Variants in ZNF469 observed in about 807,000 individuals in gnomAD.
ZNF469 encodes the protein zinc finger protein 469.
ZNF469 carries 1 observed loss-of-function variant against 1.0 expected under a neutral mutation model. That is an observed-to-expected ratio of 1.00 (90% CI 0.35 to 4.73). The LOEUF is 4.73. ZNF469 is among the 30% of genes most tolerant of loss of function. The probability of loss-of-function intolerance (pLI) is 0.16; values close to 1 mark genes in which losing one functional copy is unlikely to be tolerated. For synonymous variants in ZNF469, 2,703 were observed against 2,363.4 expected (o/e 1.14, Z -4.17); for missense variants, 6,100 against 5,356.3 (o/e 1.14, Z -4.33).
chr16:88,308,492 C>A, the ZNF469 span, among the ~76,000 whole-genome samples: 1 of 152,172 alleles, frequency 6.6e-6, no homozygotes, highest in Non-Finnish European at 1.5e-5. Context: ...AATGAAAGGG[C>A]CAGTTCTTCC....
rs954698107 is a variant in ZNF469 at position 88,424,944 on chromosome 16, C to T, written c.-127+73C>T. ...GTCTTGATGGTCCTGAGGCCCCCTC[C>T]GCCCCCACCCGCCCGGCCTTCCTCT... On this transcript the variant is annotated intron_variant, in intron 2 of 2. Coordinates refer to ENST00000565624, the MANE Select transcript of ZNF469 (RefSeq NM_001367624.2). This position sits in a 1 kb window ranked among gnomAD's most constrained non-coding sequence, Gnocchi z 4.3. 6.6e-6 allele frequency among the ~76,000 whole-genome samples: 1 copy of T among 152,156 alleles called. No homozygotes were observed. Among genetic ancestry groups the T allele is most frequent in the African/African-American group, 2.4e-5 (1 of 41,440 alleles).
chr16:88,434,937 G>A lies in ZNF469; in HGVS notation c.7467G>A (p.Arg2489=), dbSNP rs1472287040. The A allele has an allele frequency of 4.5e-6, 7 of 1,549,884 alleles. No individual in the cohort carries two copies. Among genetic ancestry groups the A allele is most frequent in the Non-Finnish European group, 6.1e-6 (7 of 1,146,952 alleles). ...ASFRSGPGLS[R]HKARKHRPHP... is the part of the protein sequence containing the mutation. ...TCCGCTCCGGGCCGGGCCTGAGCCG[G>A]CACAAGGCCAGGAAGCACCGGCCAC... is the stretch of plus-strand genomic sequence containing the variant. The change falls in exon 3 of 3, where the codon CGG becomes CGA. Residue 2489 remains arginine (R), a synonymous_variant. Coordinates refer to ENST00000565624, the MANE Select transcript of ZNF469 (RefSeq NM_001367624.2).
At chr16:88,203,171 C>T in the ZNF469 span, among the ~76,000 whole-genome samples, 4 of 152,152 alleles carry the variant, frequency 2.6e-5, no homozygotes, top group Non-Finnish European at 5.9e-5. Context: ...GAGTCCGGAG[C>T]ATCCTCGAGT....
the ZNF469 span, among the ~76,000 whole-genome samples, chr16:88,297,095 G>C: frequency 2.6e-5 from 4 of 152,244 alleles, no homozygotes; most frequent in African/African-American, 9.6e-5. Flanking sequence ...CCAGCGGCAG[G>C]CACCAAAACA....
chr16:88,330,236 TG>T, the ZNF469 span, among the ~76,000 whole-genome samples: 3 of 152,256 alleles, frequency 2.0e-5, no homozygotes, highest in Non-Finnish European at 2.9e-5. Context: ...TGGCATCCTG[TG>T]GGCGTCCTGT....
the ZNF469 span, among the ~76,000 whole-genome samples, chr16:88,332,115 T>C: frequency 6.6e-6 from 1 of 152,188 alleles, no homozygotes; most frequent in African/African-American, 2.4e-5. Flanking sequence ...ACAGGGAGTC[T>C]CTCTCCACCC....
the ZNF469 span, among the ~76,000 whole-genome samples, chr16:88,329,881 A>G: frequency 1.1e-4 from 16 of 152,358 alleles, 1 homozygote; most frequent in South Asian, 3.3e-3. Context: ...CCCTCAGGCC[A>G]TCCGGTGAGG....
the ZNF469 span, among the ~76,000 whole-genome samples, chr16:88,284,672 C>T: frequency 6.6e-6 from 1 of 151,828 alleles, no homozygotes; most frequent in Non-Finnish European, 1.5e-5. Flanking sequence ...TCACCACCAC[C>T]AACACTCTGC....
At chr16:88,406,341 C>T (rs1371687397) in intron 1 of ZNF469, among the ~76,000 whole-genome samples, 3 of 152,168 alleles carry the variant, frequency 2.0e-5, no homozygotes, top group Admixed American at 2.0e-4. Flanking sequence ...CTCAGGATGG[C>T]CCTGTGTATG....
At chr16:88,229,613 T>TGATGTCACGCGTGTG in the ZNF469 span, among the ~76,000 whole-genome samples, 4 of 15,146 alleles carry the variant, frequency 2.6e-4, no homozygotes, top group Non-Finnish European at 5.1e-4. Context: ...GCGTGTGTGC[T>TGATGTCACGCGTGTG]GATGTCACGC....
chr16:88,190,020 A>G, the ZNF469 span, among the ~76,000 whole-genome samples: 7 of 52,830 alleles, frequency 1.3e-4, no homozygotes, highest in East Asian at 3.7e-3. Flanking sequence ...CACCCCACCC[A>G]CCCTGTTACT....
At chr16:88,381,302 G>A (rs528716095), upstream of ZNF469, among the ~76,000 whole-genome samples, 3 of 123,700 alleles carry the variant, frequency 2.4e-5, no homozygotes, top group South Asian at 8.8e-4. Context: ...TCACACACAT[G>A]CACTCATGCA....
Position 88,430,050 on chromosome 16 carries a change from C to G in ZNF469, c.2580C>G (p.Ile860Met), listed in dbSNP as rs1054988221. 9.7e-6 allele frequency: 15 copies of G among 1,550,394 alleles called. No homozygotes were observed. Among genetic ancestry groups the G allele is most frequent in the Non-Finnish European group, 1.2e-5 (14 of 1,146,974 alleles). The change falls in exon 3 of 3, where the codon ATC becomes ATG. Residue 860 changes from isoleucine (I) to methionine (M), a missense_variant. By Grantham distance (10) the Ile-to-Met change is conservative. Coordinates refer to ENST00000565624, the MANE Select transcript of ZNF469 (RefSeq NM_001367624.2). ...GMEYQSDNPE[I>M]DSSFIDVFAD... ...AGTACCAGTCGGACAACCCGGAGAT[C>G]GACAGCAGCTTCATCGACGTCTTCG...
chr16:88,342,663 G>C, the ZNF469 span, among the ~76,000 whole-genome samples: 2 of 152,196 alleles, frequency 1.3e-5, no homozygotes, highest in African/African-American at 4.8e-5. Flanking sequence ...TGTAACTTGG[G>C]GACAGACCAT....
the ZNF469 span, among the ~76,000 whole-genome samples, chr16:88,177,104 TTGAC>T: frequency 2.6e-4 from 39 of 152,152 alleles, no homozygotes; most frequent in Admixed American, 7.2e-4. The surrounding 1 kb of genome is among the most constrained non-coding windows in gnomAD (Gnocchi z 4.8). Context: ...TAATGTTTGT[TTGAC>T]TGGAGCAGAA....
chr16:88,364,102 T>C, the ZNF469 span, among the ~76,000 whole-genome samples: 1 of 152,234 alleles, frequency 6.6e-6, no homozygotes, highest in African/African-American at 2.4e-5. Flanking sequence ...CTGGATGCTT[T>C]GTTATTTTAC....
the ZNF469 span, among the ~76,000 whole-genome samples, chr16:88,354,420 A>C: frequency 6.6e-6 from 1 of 152,020 alleles, no homozygotes; most frequent in East Asian, 1.9e-4. Context: ...CTGTCTGCAG[A>C]GTGGTTACCA....
At chr16:88,378,896 C>G (rs974330913), upstream of ZNF469, among the ~76,000 whole-genome samples, 2 of 152,248 alleles carry the variant, frequency 1.3e-5, no homozygotes, top group East Asian at 1.9e-4. Context: ...GCTCGGAGGT[C>G]TCCTCTCTCG....
the ZNF469 span, among the ~76,000 whole-genome samples, chr16:88,317,465 G>T: frequency 1.3e-5 from 2 of 152,168 alleles, no homozygotes; most frequent in African/African-American, 4.8e-5. Flanking sequence ...GAAGAGTTTC[G>T]CATCCTCTGA....
Sources: gnomAD v4.1 joint callset for allele counts (sites outside exome capture counted in the v4.1 genomes callset) on GRCh38, gnomAD v4.1.1 for gene constraint, Gnocchi (gnomAD v3.1) non-coding constraint, MANE v1.5 for transcripts, NCBI Gene and HGNC (gene_info 2026-07-23, HGNC 2026-07-21) for gene names.